WLS: variants seen among roughly 807,000 people sequenced by gnomAD.
The protein encoded by WLS is protein wntless homolog.
A neutral mutation model predicts 62.8 loss-of-function variants in WLS; 23 were observed. The ratio of observed to expected loss-of-function variants is 0.37; its 90% CI spans 0.26 to 0.52. The LOEUF is 0.52. Ranked by LOEUF, WLS falls within the 20% of genes least tolerant of loss-of-function variation. The pLI is 0.92. For synonymous variants in WLS, 246 were observed against 244.1 expected (o/e 1.01, Z -0.07); for missense variants, 615 against 697.3 (o/e 0.88, Z 1.33).
intron 1 of WLS, among the ~76,000 whole-genome samples, chr1:68,222,617 C>T (rs1181923739): frequency 6.6e-6 from 1 of 152,130 alleles, no homozygotes; most frequent in African/African-American, 2.4e-5. Flanking sequence ...GAAACTGCGT[C>T]CAAGCCATGG....
chr1:68,230,586 CGCGT>C (rs1419085819), intron 1 of WLS, among the ~76,000 whole-genome samples: 2 of 136,980 alleles, frequency 1.5e-5, no homozygotes, highest in African/African-American at 5.5e-5. Flanking sequence ...TGTGTGTGCG[CGCGT>C]GTGTGTGTGT....
At chr1:68,104,433 C>T (rs1646118631) in intron 11 of WLS, among the ~76,000 whole-genome samples, 2 of 152,174 alleles carry the variant, frequency 1.3e-5, no homozygotes, top group South Asian at 4.1e-4. Context: ...CTGCATCCCA[C>T]TGCTGACTCA....
In WLS at chr1:68,137,946, G is replaced by A; in HGVS notation, c.1363-13C>T. ...GGCCTTCCGTTACCTGCGGAGAAAGGATGGTGATATTCAATTGAAACAGAG... is the reference window on the plus strand; with the variant it reads ...GGCCTTCCGTTACCTGCGGAGAAAGAATGGTGATATTCAATTGAAACAGAG... On this transcript the variant is annotated splice_polypyrimidine_tract_variant and intron_variant, in intron 10 of 11. Coordinates refer to ENST00000262348, the MANE Select transcript of WLS (RefSeq NM_024911.7). 1 of 1,613,576 alleles carries A rather than the reference G, an allele frequency of 6.2e-7. No homozygotes were observed. Among genetic ancestry groups the A allele is most frequent in the Non-Finnish European group, 8.5e-7 (1 of 1,179,690 alleles).
At chr1:68,181,721 G>A (rs962046951) in intron 2 of WLS, among the ~76,000 whole-genome samples, 5 of 152,258 alleles carry the variant, frequency 3.3e-5, no homozygotes, top group Middle Eastern at 3.4e-3. Flanking sequence ...CTGTGCCACC[G>A]TGGGCGAGTA....
At chr1:68,110,747 GTA>G (rs56026766) in intron 11 of WLS, among the ~76,000 whole-genome samples, 125,157 of 149,630 alleles carry the variant, frequency 0.84, 52,801 homozygotes, top group Non-Finnish European at 0.89. Context: ...ATATATGTGT[GTA>G]TATATATATA....
chr1:68,125,400 T>C lies in WLS; in HGVS notation c.*826A>G. On this transcript the variant is annotated 3_prime_UTR_variant, in exon 12 of 12. Coordinates refer to ENST00000262348, the MANE Select transcript of WLS (RefSeq NM_024911.7). ...GGGGATATGCATGTACACATATGCATATACATACAGGTTTATTTAAATGAT... is the reference window on the plus strand; with the variant it reads ...GGGGATATGCATGTACACATATGCACATACATACAGGTTTATTTAAATGAT... 1.0e-6 allele frequency: 1 copy of C among 985,062 alleles called. No individual in the cohort carries two copies. The highest frequency in any genetic ancestry group is 1.2e-6 in the Non-Finnish European group (1 of 829,862). 61.0% of individuals were successfully genotyped at this position (985,062 alleles called of 1,614,324 possible). A position where few individuals can be genotyped will look rare whatever the true frequency, so the allele number is the denominator to read the frequency against.
chr1:68,181,369 A>G (rs1309416707), intron 2 of WLS, among the ~76,000 whole-genome samples: 1 of 152,196 alleles, frequency 6.6e-6, no homozygotes, highest in African/African-American at 2.4e-5. Context: ...ATATACTTGT[A>G]TGGATGCAAA....
intron 11 of WLS, among the ~76,000 whole-genome samples, chr1:68,117,268 C>A (rs1035102478): frequency 3.3e-5 from 5 of 152,218 alleles, no homozygotes; most frequent in African/African-American, 1.2e-4. Flanking sequence ...TTCTTCCCAA[C>A]CAATGAATGC....
chr1:68,126,855 C>T (rs370028102), intron 11 of WLS, among the ~76,000 whole-genome samples: 4 of 152,124 alleles, frequency 2.6e-5, no homozygotes, highest in African/African-American at 4.8e-5. Context: ...CCCCTCCCAA[C>T]GGATGGGTCA....
intron 10 of WLS, among the ~76,000 whole-genome samples, chr1:68,142,066 G>C (rs1248381802): frequency 6.6e-6 from 1 of 152,212 alleles, no homozygotes; most frequent in African/African-American, 2.4e-5. Flanking sequence ...CCAAAGAAAA[G>C]CCACGGACTA....
intron 2 of WLS, among the ~76,000 whole-genome samples, chr1:68,167,877 T>A (rs964901518): frequency 6.6e-6 from 1 of 152,180 alleles, no homozygotes; most frequent in Non-Finnish European, 1.5e-5. Flanking sequence ...GTTTCCCCTA[T>A]GCTCCAGGGT....
intron 1 of WLS, among the ~76,000 whole-genome samples, chr1:68,226,889 A>G (rs930894916): frequency 5.9e-5 from 9 of 152,234 alleles, no homozygotes; most frequent in African/African-American, 2.2e-4. Flanking sequence ...TCTGCAGTTT[A>G]TATGGATTTA....
chr1:68,146,784 A>G (rs1017978719), intron 8 of WLS, among the ~76,000 whole-genome samples: 13 of 152,204 alleles, frequency 8.5e-5, no homozygotes, highest in African/African-American at 3.1e-4. Context: ...CTGACCTGCC[A>G]ATTAGAGCCA....
chr1:68,150,253 G>T lies in WLS; in HGVS notation c.907C>A (p.Arg303=), dbSNP rs763193261. Reference sequence around the variant, plus strand: ...AGCATCGCATAGAAGATGCCCTGTCGGATGTCACCAAACAGCAGCATCCAG... The same window carrying T: ...AGCATCGCATAGAAGATGCCCTGTCTGATGTCACCAAACAGCAGCATCCAG... ...WTWMLLFGDI[R]QGIFYAMLLS... The change falls in exon 6 of 12, where the codon CGA becomes AGA. Residue 303 remains arginine (R), a synonymous_variant. Coordinates refer to ENST00000262348, the MANE Select transcript of WLS (RefSeq NM_024911.7). The T allele has an allele frequency of 6.2e-7, 1 of 1,614,136 alleles. No homozygotes were observed. Among genetic ancestry groups the T allele is most frequent in the East Asian group, 2.2e-5 (1 of 44,878 alleles).
At chr1:68,181,012 T>C (rs943556289) in intron 2 of WLS, among the ~76,000 whole-genome samples, 1 of 152,104 alleles carries the variant, frequency 6.6e-6, no homozygotes, top group Non-Finnish European at 1.5e-5. Flanking sequence ...TTGGGGAAAA[T>C]GGTTTTTTCC....
At chr1:68,175,331 A>T (rs540351880) in intron 2 of WLS, among the ~76,000 whole-genome samples, 7 of 152,364 alleles carry the variant, frequency 4.6e-5, no homozygotes, top group African/African-American at 1.7e-4. Flanking sequence ...GCCCATGGCC[A>T]TGCTACCAAT....
At chr1:68,127,620 T>G (rs1035562043) in intron 11 of WLS, among the ~76,000 whole-genome samples, 6 of 152,180 alleles carry the variant, frequency 3.9e-5, no homozygotes, top group Non-Finnish European at 7.3e-5. Flanking sequence ...AGAGGGGTGC[T>G]GGGGAATAGA....
At chr1:68,133,297 C>A (rs1646558007) in intron 11 of WLS, among the ~76,000 whole-genome samples, 1 of 152,156 alleles carries the variant, frequency 6.6e-6, no homozygotes, top group Non-Finnish European at 1.5e-5. Context: ...TAGGAAGGAA[C>A]CCAGGGGAAG....
intron 2 of WLS, among the ~76,000 whole-genome samples, chr1:68,178,705 C>CAAAAAAAAAAAAAAAAA (rs376126398): frequency 2.8e-5 from 3 of 108,228 alleles, no homozygotes; most frequent in Non-Finnish European, 4.0e-5. Flanking sequence ...GACTACATTT[C>CAAAAAAAAAAAAAAAAA]AAAAAAAAAA....
Sources: gnomAD v4.1 joint callset for allele counts (sites outside exome capture counted in the v4.1 genomes callset) on GRCh38, gnomAD v4.1.1 for gene constraint, MANE v1.5 for transcripts, NCBI Gene and HGNC (gene_info 2026-07-23, HGNC 2026-07-21) for gene names.